IL1R1: variants seen among roughly 807,000 people sequenced by gnomAD.
IL1R1 encodes the protein interleukin 1 receptor type 1, also known as interleukin-1 receptor type 1.
Under a neutral mutation model 50.2 loss-of-function variants are expected in IL1R1, and 22 were observed. The observed-to-expected ratio is 0.44, with a 90% CI of 0.31 to 0.63. The LOEUF (loss-of-function observed/expected upper bound fraction) is 0.63. Among genes scored for constraint, IL1R1 ranks in the 20% least tolerant of loss-of-function variants. The probability of loss-of-function intolerance (pLI) is 0.07; values close to 1 mark genes in which losing one functional copy is unlikely to be tolerated. For synonymous variants in IL1R1, 251 were observed against 236.7 expected (o/e 1.06, Z -0.55); for missense variants, 509 against 676.2 (o/e 0.75, Z 2.74).
intron 3 of IL1R1, among the ~76,000 whole-genome samples, chr2:102,158,713 T>A (rs1036409450): frequency 4.6e-5 from 7 of 152,154 alleles, no homozygotes; most frequent in African/African-American, 1.7e-4. Context: ...GTGCCCTTTT[T>A]TAGGGTCTTG....
chr2:102,178,910 GA>G lies in IL1R1; in HGVS notation c.*2153del, dbSNP rs1686360149. ...TATATTTCTCGTATTTAATATGGGTGAACACCAACTTTTATTTGGAATAATA... is the reference window on the plus strand; with the variant it reads ...TATATTTCTCGTATTTAATATGGGTGACACCAACTTTTATTTGGAATAATA... On this transcript the variant is annotated 3_prime_UTR_variant, in exon 12 of 12. Transcript: ENST00000410023. The G allele has an allele frequency of 6.6e-6, 1 of 152,302 alleles. No individual in the cohort carries two copies. The highest frequency in any genetic ancestry group is 6.5e-5 in the Admixed American group (1 of 15,286). The allele number at this position is 152,302 out of a possible 1,614,324, so 9.4% of individuals were successfully genotyped here. A position where few individuals can be genotyped will look rare whatever the true frequency, so the allele number is the denominator to read the frequency against.
At chr2:102,099,303 G>T (rs181986847) in intron 1 of IL1R1, among the ~76,000 whole-genome samples, 1 of 152,264 alleles carries the variant, frequency 6.6e-6, no homozygotes, top group East Asian at 1.9e-4. Flanking sequence ...TAGAAGAGAT[G>T]GTAGAAGCAG....
chr2:102,114,540 G>A (rs537550446), intron 1 of IL1R1, among the ~76,000 whole-genome samples: 10 of 152,246 alleles, frequency 6.6e-5, no homozygotes, highest in African/African-American at 2.2e-4. Context: ...AGCATTTCTC[G>A]AGATTAACGT....
At chr2:102,174,787 A>G (rs1351134562) in intron 10 of IL1R1, 57 bp downstream of exon 10, 19 of 1,428,282 alleles carry the variant, frequency 1.3e-5, no homozygotes, top group Non-Finnish European at 1.8e-5. Flanking sequence ...TAGTTAGGAG[A>G]TGTAGAAGAT....
At chr2:102,120,897 T>C (rs952023463) in intron 1 of IL1R1, among the ~76,000 whole-genome samples, 4 of 152,196 alleles carry the variant, frequency 2.6e-5, no homozygotes, top group African/African-American at 9.6e-5. Flanking sequence ...GTAAATGAGT[T>C]CCGGCACATG....
intron 1 of IL1R1, among the ~76,000 whole-genome samples, chr2:102,093,957 G>A (rs1008367245): frequency 2.0e-4 from 30 of 152,148 alleles, no homozygotes; most frequent in African/African-American, 5.3e-4. Context: ...ACCTGCCTCC[G>A]TCCTGAGCTT....
intron 7 of IL1R1, among the ~76,000 whole-genome samples, chr2:102,170,442 C>G (rs1685571542): frequency 6.6e-6 from 1 of 152,014 alleles, no homozygotes. Context: ...GTATGCTTAC[C>G]ACAAGGGAAA....
chr2:102,073,079 G>A lies in IL1R1; in HGVS notation c.-84+2546G>A, dbSNP rs918708850. Among the ~76,000 whole-genome samples the A allele has an allele frequency of 2.0e-5, 3 of 152,076 alleles. No homozygotes were observed. In the East Asian group the frequency reaches 5.8e-4, roughly 29 times the overall value. On this transcript the variant is annotated intron_variant, in intron 1 of 11. Transcript: ENST00000409929. Reference sequence around the variant, plus strand: ...TCATTTAATCCAGGCATTATGTACTGGGGGATCAACTATTCGCAAAACTCA... The same window carrying A: ...TCATTTAATCCAGGCATTATGTACTAGGGGATCAACTATTCGCAAAACTCA...
chr2:102,174,518 G>A (rs1353882949), intron 9 of IL1R1, 69 bp from the exon 10 acceptor site: 1 of 1,189,920 alleles, frequency 8.4e-7, no homozygotes, highest in African/African-American at 1.6e-5. Flanking sequence ...TATTTAATTT[G>A]CTGTGCTCAA....
At chr2:102,137,265 A>G (rs535915552) in intron 1 of IL1R1, among the ~76,000 whole-genome samples, 1 of 152,268 alleles carries the variant, frequency 6.6e-6, no homozygotes, top group Non-Finnish European at 1.5e-5. Flanking sequence ...TGTTTTGATG[A>G]TCTATTATTT....
chr2:102,178,412 C>T lies in IL1R1; in HGVS notation c.*1653C>T, dbSNP rs1483387085. 1 of 152,154 alleles carries T rather than the reference C, an allele frequency of 6.6e-6. No individual in the cohort carries two copies. The highest frequency in any genetic ancestry group is 1.5e-5 in the Non-Finnish European group (1 of 68,018). The allele number at this position is 152,154 out of a possible 1,614,324, so 9.4% of individuals were successfully genotyped here. On this transcript the variant is annotated 3_prime_UTR_variant, in exon 12 of 12. Transcript: ENST00000410023. ...GTAATGCTTTATGTTTAAAAACATT[C>T]CCCAATTATCTTATTTAATTTTTGC...
At chr2:102,133,320 A>C (rs1022243601) in intron 1 of IL1R1, among the ~76,000 whole-genome samples, 2 of 152,136 alleles carry the variant, frequency 1.3e-5, no homozygotes, top group African/African-American at 4.8e-5. Flanking sequence ...TCTACCAAAC[A>C]TTTAAAGAAA....
At chr2:102,100,665 G>A (rs1272397097), upstream of IL1R1, among the ~76,000 whole-genome samples, 2 of 152,108 alleles carry the variant, frequency 1.3e-5, no homozygotes, top group African/African-American at 2.4e-5. Flanking sequence ...CTTGGTGATC[G>A]TGGCTTCCTT....
chr2:102,169,635 CAGAGG>C (rs1559505901), intron 7 of IL1R1, among the ~76,000 whole-genome samples: 3 of 152,208 alleles, frequency 2.0e-5, no homozygotes, highest in African/African-American at 7.2e-5. Flanking sequence ...AAGAACCATA[CAGAGG>C]TTAGAAGGTA....
At chr2:102,098,504 A>G (rs537397083) in intron 1 of IL1R1, among the ~76,000 whole-genome samples, 1 of 152,308 alleles carries the variant, frequency 6.6e-6, no homozygotes, top group Non-Finnish European at 1.5e-5. Context: ...CCAACAAAAA[A>G]TGCTTGCTTT....
At chr2:102,077,945 A>C (rs1679043202) in intron 1 of IL1R1, among the ~76,000 whole-genome samples, 1 of 152,236 alleles carries the variant, frequency 6.6e-6, no homozygotes, top group Admixed American at 6.5e-5. Flanking sequence ...AAATATGTGA[A>C]AATTAAACAA....
intron 1 of IL1R1, among the ~76,000 whole-genome samples, chr2:102,087,179 A>G (rs928564636): frequency 2.0e-5 from 3 of 152,246 alleles, no homozygotes; most frequent in African/African-American, 7.2e-5. Flanking sequence ...AATGCTAACA[A>G]TGATCTAAGG....
chr2:102,093,850 C>A (rs569024086), intron 1 of IL1R1, among the ~76,000 whole-genome samples: 1 of 148,546 alleles, frequency 6.7e-6, no homozygotes, highest in Non-Finnish European at 1.5e-5. Flanking sequence ...CGAGGAGACA[C>A]GCGCGGGGCA....
rs77704228 is a variant in IL1R1 at position 102,159,931 on chromosome 2, T to G, written c.61+2146T>G. On this transcript the variant is annotated intron_variant, in intron 3 of 11. Transcript: ENST00000410023. Reference sequence around the variant, plus strand: ...TGATCCGTGATTTGGCATGTTTCTGTTTGTTTCCTTATTTTCTAGTAAATG... The same window carrying G: ...TGATCCGTGATTTGGCATGTTTCTGGTTGTTTCCTTATTTTCTAGTAAATG... Among the ~76,000 whole-genome samples, 2,028 of 152,274 alleles carry G rather than the reference T, an allele frequency of 0.013. 66 individuals carry two copies. The South Asian group carries it at 0.14, about 11-fold the overall frequency.
Sources: gnomAD v4.1 joint callset for allele counts (sites outside exome capture counted in the v4.1 genomes callset) on GRCh38, gnomAD v4.1.1 for gene constraint, MANE v1.5 for transcripts, NCBI Gene and HGNC (gene_info 2026-07-23, HGNC 2026-07-21) for gene names.